Variants in ANKRD55 observed in about 807,000 individuals in gnomAD.
ANKRD55 encodes the protein ankyrin repeat domain-containing protein 55.
A neutral mutation model predicts 60.6 loss-of-function variants in ANKRD55; 41 were observed. That is an observed-to-expected ratio of 0.68 (90% CI 0.53 to 0.88). The LOEUF is 0.88. ANKRD55 is among the 40% of genes least tolerant of loss of function. The pLI is 0.00. For synonymous variants in ANKRD55, 264 were observed against 290.3 expected, an observed-to-expected ratio of 0.91 and a Z score of 0.92; for missense variants, 732 against 767.6, an observed-to-expected ratio of 0.95 and a Z score of 0.55.
chr5:56,156,833 T>A (rs552142812), intron 6 of ANKRD55: 1 of 152,166 alleles, frequency 6.6e-6, no homozygotes. Flanking sequence ...ACTGAAGATA[T>A]GGGGAGTGAA....
chr5:56,180,251 A>G (rs1351987976), intron 3 of ANKRD55, among the ~76,000 whole-genome samples: 4 of 152,204 alleles, frequency 2.6e-5, no homozygotes, highest in Admixed American at 2.0e-4. Context: ...CCACCTCTCA[A>G]CAATACTGCA....
chr5:56,115,863 AT>A (rs993566767), intron 9 of ANKRD55, among the ~76,000 whole-genome samples: 9 of 150,672 alleles, frequency 6.0e-5, no homozygotes, highest in South Asian at 4.2e-4. Context: ...TAATTAATTA[AT>A]TTTTTTTTGA....
At chr5:56,221,565 G>T (rs550942929) in intron 2 of ANKRD55, among the ~76,000 whole-genome samples, 1 of 152,354 alleles carries the variant, frequency 6.6e-6, no homozygotes, top group South Asian at 2.1e-4. Context: ...CACGCGGGAA[G>T]CGCAAGGGGT....
At position 56,100,215 on chromosome 5, in the gene ANKRD55, G is replaced by A; in HGVS notation, c.1813C>T (p.His605Tyr). 1.2e-6 allele frequency: 2 copies of A among 1,614,164 alleles called. No homozygotes were observed. Among genetic ancestry groups the A allele is most frequent in the Non-Finnish European group, 1.7e-6 (2 of 1,180,028 alleles). Reference protein sequence around the residue: ...RHSTAAEESEHSANPTSDEN With the variant: ...RHSTAAEESEYSANPTSDEN ...TCATCACTGGTGGGGTTGGCAGAAT[G>A]TTCACTCTCTTCTGCTGCTGTGCTG... Residue 605 changes from histidine to tyrosine, a missense_variant, in exon 12 of 12, where the codon CAT (histidine) becomes TAT (tyrosine). By Grantham distance (83) the His-to-Tyr change is moderately conservative. Around this residue, in one of 3 missense-constraint regions of ANKRD55, gnomAD observed 597 missense variants for 607.5 expected, o/e 0.98. Transcript: ENST00000341048.
In ANKRD55 at chr5:56,111,158, G is replaced by A. The variant is rs149164234; in HGVS notation, c.1590C>T (p.Ser530=). The change falls in exon 10 of 12, where the codon TCC becomes TCT. Residue 530 remains serine, a synonymous_variant. Transcript: ENST00000341048. ...LSVRPGHQEV[S]VPPHLRHLHN... ...GTAGATGGCGAAGGTGTGGTGGCAC[G>A]GAGACCTCTTGGTGACCAGGCCGGA... 6.6e-5 allele frequency: 106 copies of A among 1,614,040 alleles called. No individual in the cohort carries two copies. Among genetic ancestry groups the A allele is most frequent in the Admixed American group, 2.3e-4 (14 of 60,004 alleles).
chr5:56,190,642 A>C (rs1033641966), intron 2 of ANKRD55, among the ~76,000 whole-genome samples: 3 of 152,190 alleles, frequency 2.0e-5, no homozygotes, highest in Non-Finnish European at 4.4e-5. Flanking sequence ...ATTTATAAAT[A>C]AACTTATTTG....
intron 7 of ANKRD55, chr5:56,136,992 C>T: frequency 1.5e-6 from 1 of 650,196 alleles, no homozygotes; most frequent in Non-Finnish European, 2.9e-6. Flanking sequence ...ATTCGCTCTT[C>T]ACTTGACCCA....
rs1227610997 is a variant in ANKRD55 at position 56,158,736 on chromosome 5, C to G, written c.483+1097G>C. Among the ~76,000 whole-genome samples, 5 of 152,310 alleles carry G rather than the reference C, an allele frequency of 3.3e-5. No homozygotes were observed. In the East Asian group the frequency reaches 9.7e-4, roughly 29 times the overall value. ...GGGGACAGGATGTCACTCTGTCACCCAGGCTAGGGTGCAGTGATGTGATCA... is the reference window on the plus strand; with the variant it reads ...GGGGACAGGATGTCACTCTGTCACCGAGGCTAGGGTGCAGTGATGTGATCA... On this transcript the variant is annotated intron_variant, in intron 6 of 11. Coordinates refer to ENST00000341048, the MANE Select transcript of ANKRD55 (RefSeq NM_024669.3).
intron 7 of ANKRD55, among the ~76,000 whole-genome samples, chr5:56,134,963 G>A (rs1019567359): frequency 1.3e-5 from 2 of 152,154 alleles, no homozygotes; most frequent in Non-Finnish European, 2.9e-5. Context: ...ATCAATTAAT[G>A]TAATCAACCA....
In ANKRD55 at chr5:56,188,222, G is replaced by A. The variant is rs371574725; in HGVS notation, c.59-4588C>T. On this transcript the variant is annotated intron_variant, in intron 2 of 11. Transcript: ENST00000341048. ...CGAAAAGCAATGATACGTTTGATAT[G>A]TTGACTGGGGTTGTCGAGAACAATA... Among the ~76,000 whole-genome samples the A allele has an allele frequency of 6.6e-5, 10 of 152,200 alleles. No homozygotes were observed. The East Asian group carries it at 1.2e-3, about 18-fold the overall frequency.
chr5:56,183,412 G>C, intron 3 of ANKRD55, 100 bp downstream of exon 3: 9 of 1,455,644 alleles, frequency 6.2e-6, no homozygotes, highest in Non-Finnish European at 8.4e-6. Flanking sequence ...TATCAAAATG[G>C]CTGGTCAGAT....
At chr5:56,107,448 A>G (rs1756516961) in intron 10 of ANKRD55, among the ~76,000 whole-genome samples, 1 of 152,138 alleles carries the variant, frequency 6.6e-6, no homozygotes. Flanking sequence ...ATTTCTTTTT[A>G]TTTCAAATAA....
At chr5:56,188,353 G>A (rs1237767669) in intron 2 of ANKRD55, among the ~76,000 whole-genome samples, 18 of 129,192 alleles carry the variant, frequency 1.4e-4, no homozygotes, top group African/African-American at 4.0e-4. Flanking sequence ...CCGCAACCCC[G>A]CCACCCCCCT....
At chr5:56,132,590 A>G (rs1757452674) in intron 7 of ANKRD55, among the ~76,000 whole-genome samples, 2 of 127,844 alleles carry the variant, frequency 1.6e-5, no homozygotes, top group Non-Finnish European at 3.4e-5. Flanking sequence ...GACTCTATCT[A>G]AAAAAAAAAA....
intron 5 of ANKRD55, among the ~76,000 whole-genome samples, chr5:56,162,244 G>C (rs1056700923): frequency 1.3e-5 from 2 of 152,122 alleles, no homozygotes; most frequent in South Asian, 2.1e-4. Flanking sequence ...TCATATCCTG[G>C]GTGGCCTCCC....
chr5:56,127,122 A>G lies in ANKRD55; in HGVS notation c.613-16T>C. 6.3e-7 allele frequency: 1 copy of G among 1,590,286 alleles called. No individual in the cohort carries two copies. The highest frequency in any genetic ancestry group is 1.7e-4 in the Middle Eastern group (1 of 5,970). On this transcript the variant is annotated splice_polypyrimidine_tract_variant and intron_variant, in intron 7 of 11. Transcript: ENST00000341048. The stretch of plus-strand genomic sequence containing the variant: ...TATTTCCACTCTGGAAAAGAGAGTC[A>G]AAGAAAGCCCATTATGTACAATCCA...
At chr5:56,173,395 A>G (rs1218926798) in intron 4 of ANKRD55, among the ~76,000 whole-genome samples, 1 of 149,878 alleles carries the variant, frequency 6.7e-6, no homozygotes, top group Non-Finnish European at 1.5e-5. Context: ...ACGGGGTTTC[A>G]CCATGTTGCC....
intron 4 of ANKRD55, among the ~76,000 whole-genome samples, chr5:56,175,185 C>T (rs1758712320): frequency 6.6e-6 from 1 of 152,194 alleles, no homozygotes; most frequent in Non-Finnish European, 1.5e-5. Context: ...GGCAATGCTT[C>T]ATTGCAATCT....
intron 2 of ANKRD55, among the ~76,000 whole-genome samples, chr5:56,218,421 TCAG>T (rs1234181007): frequency 2.6e-5 from 4 of 152,076 alleles, no homozygotes; most frequent in Non-Finnish European, 4.4e-5. Context: ...ACCCCAACCT[TCAG>T]CAGCCACCAC....
Sources: gnomAD v4.1 joint callset for allele counts (sites outside exome capture counted in the v4.1 genomes callset) on GRCh38, gnomAD v4.1.1 for gene constraint, gnomAD v4.1.1 regional missense constraint, MANE v1.5 for transcripts, NCBI Gene and HGNC (gene_info 2026-07-23, HGNC 2026-07-21) for gene names.